Variants in RBPMS observed in about 807,000 individuals in gnomAD.
RBPMS encodes the protein RNA binding protein, mRNA processing factor.
A neutral mutation model predicts 26.8 loss-of-function variants in RBPMS; 7 were observed. The observed-to-expected ratio is 0.26, with a 90% confidence interval of 0.15 to 0.49. The LOEUF (loss-of-function observed/expected upper bound fraction) is 0.49. Among genes scored for constraint, RBPMS ranks in the 20% least tolerant of loss-of-function variants. The pLI is 0.98. For missense variants in RBPMS, 186 were observed against 250.0 expected (o/e 0.74, Z 1.73); for synonymous variants, 96 against 93.3 (o/e 1.03, Z -0.17).
At chr8:30,428,264 G>T (rs140082417) in intron 1 of RBPMS, among the ~76,000 whole-genome samples, 6 of 151,588 alleles carry the variant, frequency 4.0e-5, no homozygotes, top group African/African-American at 1.5e-4. Context: ...CTCGTAATCC[G>T]CCTGCCTCGT....
At chr8:30,478,416 G>C (rs918457530) in intron 3 of RBPMS, among the ~76,000 whole-genome samples, 1 of 152,060 alleles carries the variant, frequency 6.6e-6, no homozygotes, top group Non-Finnish European at 1.5e-5. Flanking sequence ...TGATCTTGGA[G>C]GCACCCTTCT....
intron 4 of RBPMS, among the ~76,000 whole-genome samples, chr8:30,484,221 A>G (rs961451390): frequency 1.3e-5 from 2 of 152,240 alleles, no homozygotes; most frequent in African/African-American, 4.8e-5. Flanking sequence ...TTGTAAAATT[A>G]TAACCATTCT....
At chr8:30,388,037 G>C (rs1807317209) in intron 1 of RBPMS, among the ~76,000 whole-genome samples, 1 of 152,136 alleles carries the variant, frequency 6.6e-6, no homozygotes, top group Non-Finnish European at 1.5e-5. Context: ...CTAGCCAGTT[G>C]TGTAAGAGAG....
At chr8:30,517,721 A>G (rs1171612645) in intron 5 of RBPMS, among the ~76,000 whole-genome samples, 1 of 152,240 alleles carries the variant, frequency 6.6e-6, no homozygotes, top group Non-Finnish European at 1.5e-5. Context: ...TGTAAGGTAG[A>G]GCAAGTGTTC....
At chr8:30,457,629 G>GT (rs1374983483) in intron 1 of RBPMS, among the ~76,000 whole-genome samples, 106 of 132,514 alleles carry the variant, frequency 8.0e-4, no homozygotes, top group African/African-American at 3.0e-3. Flanking sequence ...GTCTTGCTCT[G>GT]TTGCCTAGTC....
intron 1 of RBPMS, among the ~76,000 whole-genome samples, chr8:30,457,676 C>T (rs1238539615): frequency 2.7e-5 from 4 of 149,572 alleles, no homozygotes; most frequent in African/African-American, 1.0e-4. Context: ...ACCTCTGCCT[C>T]CCGGGTTCAA....
chr8:30,570,098 C>T (rs1039629779), intron 8 of RBPMS, among the ~76,000 whole-genome samples: 8 of 152,306 alleles, frequency 5.3e-5, no homozygotes, highest in Non-Finnish European at 7.3e-5. Flanking sequence ...TCATCCCGTA[C>T]GCTATGTTTC....
intron 6 of RBPMS, chr8:30,547,507 G>C (rs749127512): frequency 6.5e-7 from 1 of 1,531,162 alleles, no homozygotes; most frequent in Non-Finnish European, 8.7e-7. Flanking sequence ...ATTTTAATCA[G>C]AGCAAAAATG....
rs550327304 is a variant in RBPMS, at chr8:30,549,651, C to T, written c.528+5027C>T. Reference sequence around the variant, plus strand: ...GGAGGGGCGGACGGGGAGGCCAGGCCTCATGCTCACAGCGCCAGCCTCCTG... The same window carrying T: ...GGAGGGGCGGACGGGGAGGCCAGGCTTCATGCTCACAGCGCCAGCCTCCTG... On this transcript the variant is annotated intron_variant, in intron 6 of 8. Coordinates refer to ENST00000397323, the MANE Select transcript of RBPMS (RefSeq NM_001008710.3). 6.5e-6 allele frequency: 8 copies of T among 1,228,160 alleles called. No homozygotes were observed. The East Asian group carries it at 1.9e-4, about 29-fold the overall frequency. 76.1% of individuals were successfully genotyped at this position (1,228,160 alleles called of 1,614,324 possible).
At chr8:30,419,450 A>ATTGTGTGTGTGTGTGTGTGTGTGTG (rs1554509328) in intron 1 of RBPMS, among the ~76,000 whole-genome samples, 143 of 143,282 alleles carry the variant, frequency 1.0e-3, no homozygotes, top group Non-Finnish European at 1.6e-3. Flanking sequence ...CATCTCAAAA[A>ATTGTGTGTGTGTGTGTGTGTGTGTG]TGTGTGTGTG....
At chr8:30,478,975 T>C (rs1313419508) in intron 3 of RBPMS, among the ~76,000 whole-genome samples, 1 of 152,224 alleles carries the variant, frequency 6.6e-6, no homozygotes, top group Admixed American at 6.5e-5. Context: ...GAAACTGAGG[T>C]ACAGTGAATT....
intron 6 of RBPMS, chr8:30,544,896 G>A (rs1274560082): frequency 1.3e-6 from 2 of 1,486,762 alleles, no homozygotes; most frequent in South Asian, 1.4e-5. Flanking sequence ...GAGAGACCGG[G>A]GCAGGTTTAT....
intron 1 of RBPMS, among the ~76,000 whole-genome samples, chr8:30,465,432 CTT>C (rs1025010073): frequency 5.3e-5 from 8 of 152,182 alleles, no homozygotes; most frequent in Non-Finnish European, 1.0e-4. Context: ...CACTTTTTCT[CTT>C]TTCCTTTTAG....
intron 1 of RBPMS, among the ~76,000 whole-genome samples, chr8:30,415,551 C>T (rs1320942019): frequency 6.6e-6 from 1 of 152,214 alleles, no homozygotes; most frequent in African/African-American, 2.4e-5. Context: ...TCATCTCTTT[C>T]ATCTATCCAG....
intron 7 of RBPMS, among the ~76,000 whole-genome samples, chr8:30,559,654 T>C (rs1226951333): frequency 1.3e-5 from 2 of 152,264 alleles, no homozygotes; most frequent in African/African-American, 2.4e-5. Flanking sequence ...TAATTTAGTA[T>C]GTGAATTTGG....
intron 1 of RBPMS, among the ~76,000 whole-genome samples, chr8:30,461,763 T>G (rs1053660202): frequency 6.6e-6 from 1 of 152,196 alleles, no homozygotes; most frequent in Admixed American, 6.5e-5. Flanking sequence ...TGTAGTAACA[T>G]CTTAGAAAAC....
At chr8:30,452,978 C>T (rs1335607707) in intron 1 of RBPMS, among the ~76,000 whole-genome samples, 2 of 152,210 alleles carry the variant, frequency 1.3e-5, no homozygotes, top group Non-Finnish European at 2.9e-5. Flanking sequence ...GTATCTCATT[C>T]TGCCTTCAAG....
At chr8:30,556,616 A>G (rs1826944673) in intron 6 of RBPMS, 20 of 986,088 alleles carry the variant, frequency 2.0e-5, no homozygotes, top group Non-Finnish European at 2.2e-5. Context: ...CTCCACACTG[A>G]CCCAGTGCAC....
intron 6 of RBPMS, among the ~76,000 whole-genome samples, chr8:30,557,937 T>C (rs1488400127): frequency 6.6e-6 from 1 of 152,216 alleles, no homozygotes. Context: ...CAATCTCAGC[T>C]TACAGCAACC....
Sources: allele counts gnomAD v4.1 joint callset (sites outside exome capture counted in the v4.1 genomes callset), GRCh38; gene constraint gnomAD v4.1.1; transcripts MANE v1.5; gene names NCBI Gene and HGNC (gene_info 2026-07-23, HGNC 2026-07-21).